CRTC1: variants seen among roughly 807,000 people sequenced by gnomAD.
CRTC1 encodes CREB-regulated transcription coactivator 1.
A neutral mutation model predicts 66.1 loss-of-function variants in CRTC1; 18 were observed. That is an observed-to-expected ratio of 0.27 (90% CI 0.19 to 0.40). The LOEUF (loss-of-function observed/expected upper bound fraction) is 0.40. Ranked by LOEUF, CRTC1 falls within the 10% of genes least tolerant of loss-of-function variation. The pLI, the probability that CRTC1 is intolerant of heterozygous loss-of-function variation, is 1.00. For missense variants in CRTC1, 669 were observed against 887.9 expected (o/e 0.75, Z 3.13); for synonymous variants, 416 against 398.8 (o/e 1.04, Z -0.51).
chr19:18,765,454 C>A lies in CRTC1; in HGVS notation c.937C>A (p.Pro313Thr). ...SPQHRPAGVS[P>T]LSLSTEARRQ... ...ACAGCACCGCCCAGCTGGCGTCAGC[C>A]CCCTGTCCCTGAGCACAGAGGCAAG... Residue 313 changes from proline to threonine, a missense_variant, in exon 9 of 14, where the codon CCC becomes ACC. Transcript: ENST00000321949. 1.2e-6 allele frequency: 2 copies of A among 1,612,812 alleles called. No homozygotes were observed. Among genetic ancestry groups the A allele is most frequent in the African/African-American group, 1.3e-5 (1 of 75,056 alleles).
rs1038189307 is a variant in CRTC1 at position 18,777,780 on chromosome 19, C to T, written c.*398C>T. ...GGTCCGCCAGGGCTGTGGGCCGTGG[C>T]GCATTTTCCGACTGTTTGTCCAGCT... On this transcript the variant is annotated 3_prime_UTR_variant, in exon 14 of 14. Coordinates refer to ENST00000321949, the MANE Select transcript of CRTC1 (RefSeq NM_015321.3). This position sits in a 1 kb window ranked among gnomAD's most constrained non-coding sequence, Gnocchi z 5.5. 28 of 316,764 alleles carry T rather than the reference C, an allele frequency of 8.8e-5. No homozygotes were observed. The highest frequency in any genetic ancestry group is 1.4e-4 in the Non-Finnish European group (24 of 170,066). The allele number at this position is 316,764 out of a possible 1,614,324, so 19.6% of individuals were successfully genotyped here.
chr19:18,703,347 C>T (rs1465618749), intron 1 of CRTC1, among the ~76,000 whole-genome samples: 4 of 151,956 alleles, frequency 2.6e-5, no homozygotes, highest in Non-Finnish European at 5.9e-5. Flanking sequence ...TGTCACAATT[C>T]TATTAACTAG....
intron 9 of CRTC1, among the ~76,000 whole-genome samples, chr19:18,765,933 C>T (rs1260609606): frequency 1.3e-5 from 2 of 151,894 alleles, no homozygotes; most frequent in Admixed American, 1.3e-4. Context: ...TGCACTCTAC[C>T]CTGGGAGACA....
At chr19:18,735,370 T>C (rs1337985190) in intron 1 of CRTC1, among the ~76,000 whole-genome samples, 1 of 152,156 alleles carries the variant, frequency 6.6e-6, no homozygotes, top group Non-Finnish European at 1.5e-5. Context: ...GTTCACCTCC[T>C]TTGTTCTGCT....
intron 1 of CRTC1, among the ~76,000 whole-genome samples, chr19:18,728,079 C>T (rs1045910741): frequency 6.6e-6 from 1 of 152,140 alleles, no homozygotes; most frequent in Non-Finnish European, 1.5e-5. Flanking sequence ...TCTGTTGTGT[C>T]AGCCACCTGG....
At chr19:18,759,233 C>T (rs2054559594) in intron 6 of CRTC1, among the ~76,000 whole-genome samples, 2 of 152,162 alleles carry the variant, frequency 1.3e-5, no homozygotes, top group African/African-American at 4.8e-5. Context: ...TAAAAAGATC[C>T]ACATGCCATG....
intron 1 of CRTC1, among the ~76,000 whole-genome samples, chr19:18,706,152 T>G: frequency 6.9e-6 from 1 of 144,872 alleles, no homozygotes; most frequent in South Asian, 2.1e-4. Flanking sequence ...TGACAGTTTA[T>G]TTCTGGGCTT....
chr19:18,776,082 C>T (rs937951963), intron 13 of CRTC1, among the ~76,000 whole-genome samples: 2 of 152,162 alleles, frequency 1.3e-5, no homozygotes, highest in South Asian at 2.1e-4. Flanking sequence ...CCCCTCTCGG[C>T]GGCCTCCTGT....
intron 8 of CRTC1, among the ~76,000 whole-genome samples, chr19:18,761,903 A>ACCTGGGC (rs893261304): frequency 3.9e-5 from 6 of 152,044 alleles, no homozygotes; most frequent in Non-Finnish European, 7.4e-5. Flanking sequence ...TGACTCCCAC[A>ACCTGGGC]CCTGGGCCCT....
intron 1 of CRTC1, among the ~76,000 whole-genome samples, chr19:18,729,594 G>T (rs1462868669): frequency 1.3e-5 from 2 of 151,704 alleles, no homozygotes; most frequent in African/African-American, 4.8e-5. Context: ...AAAATAAATT[G>T]GCTAAGCGTG....
At chr19:18,729,425 CAA>C (rs1222302857) in intron 1 of CRTC1, among the ~76,000 whole-genome samples, 3 of 91,396 alleles carry the variant, frequency 3.3e-5, no homozygotes, top group Admixed American at 1.2e-4. Flanking sequence ...GACTCCGTCT[CAA>C]AAAAAAAAAA....
At chr19:18,737,019 A>T (rs922469399) in intron 1 of CRTC1, among the ~76,000 whole-genome samples, 3 of 152,134 alleles carry the variant, frequency 2.0e-5, no homozygotes, top group Non-Finnish European at 4.4e-5. Flanking sequence ...AAGTAGCCAC[A>T]GGCGCATTAT....
intron 1 of CRTC1, among the ~76,000 whole-genome samples, chr19:18,698,795 A>G (rs1289686281): frequency 1.3e-5 from 2 of 151,398 alleles, no homozygotes; most frequent in African/African-American, 2.4e-5. Context: ...CAGCAGGCGT[A>G]CAGTGTTCAG....
chr19:18,684,742 G>A (rs1568471876), intron 1 of CRTC1, among the ~76,000 whole-genome samples: 1 of 152,164 alleles, frequency 6.6e-6, no homozygotes, highest in Non-Finnish European at 1.5e-5. Context: ...GTGTGCAGGG[G>A]CAGGCCAGGT....
chr19:18,687,056 C>T (rs1361828989), intron 1 of CRTC1, among the ~76,000 whole-genome samples: 1 of 129,910 alleles, frequency 7.7e-6, no homozygotes, highest in Non-Finnish European at 1.5e-5. Context: ...TGCTCTGTTG[C>T]CCAGGCTGGA....
chr19:18,695,216 A>G (rs2052955653), intron 1 of CRTC1, among the ~76,000 whole-genome samples: 1 of 151,974 alleles, frequency 6.6e-6, no homozygotes, highest in Non-Finnish European at 1.5e-5. Flanking sequence ...CATGTTTGCC[A>G]GGCCGGTCTC....
chr19:18,688,780 G>A (rs919341205), intron 1 of CRTC1, among the ~76,000 whole-genome samples: 17 of 151,964 alleles, frequency 1.1e-4, no homozygotes, highest in African/African-American at 4.1e-4. Context: ...TCATTTCCAT[G>A]GCATTCCGCC....
intron 1 of CRTC1, among the ~76,000 whole-genome samples, chr19:18,734,682 AAAAG>A (rs1241549710): frequency 6.6e-6 from 1 of 152,176 alleles, no homozygotes; most frequent in African/African-American, 2.4e-5. Context: ...TGTCGCAAAT[AAAAG>A]AAAGAAAGAA....
At chr19:18,699,968 G>A (rs937861157) in intron 1 of CRTC1, among the ~76,000 whole-genome samples, 6 of 152,026 alleles carry the variant, frequency 3.9e-5, no homozygotes, top group Non-Finnish European at 7.4e-5. Context: ...TGGCAAAGGC[G>A]GGCTTGTGAC....
Sources: gnomAD v4.1 joint callset for allele counts (sites outside exome capture counted in the v4.1 genomes callset) on GRCh38, gnomAD v4.1.1 for gene constraint, Gnocchi (gnomAD v3.1) non-coding constraint, MANE v1.5 for transcripts, NCBI Gene and HGNC (gene_info 2026-07-23, HGNC 2026-07-21) for gene names.